The following UBAC1 variants were observed in gnomAD, a reference collection of about 807,000 sequenced individuals.
UBAC1 encodes the protein UBA domain containing 1, also known as ubiquitin-associated domain-containing protein 1.
A neutral mutation model predicts 45.9 loss-of-function variants in UBAC1; 27 were observed. That is an observed-to-expected ratio of 0.59 (90% CI 0.43 to 0.81). The LOEUF (loss-of-function observed/expected upper bound fraction) is 0.81, where lower values mean the gene tolerates loss of function less well. UBAC1 is among the 30% of genes least tolerant of loss of function. The pLI is 0.00. For missense variants in UBAC1, 529 were observed against 539.2 expected (o/e 0.98, Z 0.19); for synonymous variants, 227 against 215.5 (o/e 1.05, Z -0.47).
At position 135,933,345 on chromosome 9, in the gene UBAC1, C is replaced by T; in HGVS notation, c.*55G>A. 6.7e-7 allele frequency: 1 copy of T among 1,500,454 alleles called. No homozygotes were observed. Among genetic ancestry groups the T allele is most frequent in the Non-Finnish European group, 9.3e-7 (1 of 1,077,348 alleles). The allele number at this position is 1,500,454 out of a possible 1,614,324, so 92.9% of individuals were successfully genotyped here. On this transcript the variant is annotated 3_prime_UTR_variant, in exon 10 of 10. Transcript: ENST00000371756. ...CCAGGTGAGGTCCACTCTGCCCGGTCTCGGGCCGCACCAGGGGGCTGCTGT... is the reference window on the plus strand; with the variant it reads ...CCAGGTGAGGTCCACTCTGCCCGGTTTCGGGCCGCACCAGGGGGCTGCTGT...
chr9:135,938,136 T>C, intron 9 of UBAC1, 86 bp downstream of exon 9: 2 of 1,547,576 alleles, frequency 1.3e-6, no homozygotes, highest in African/African-American at 2.7e-5. Flanking sequence ...GGATCCTCCG[T>C]ATCGCCTCCG....
chr9:135,954,070 C>T (rs779482330), intron 2 of UBAC1, among the ~76,000 whole-genome samples: 29 of 147,436 alleles, frequency 2.0e-4, no homozygotes, highest in Non-Finnish European at 4.2e-4. Context: ...ACCTGGGAGG[C>T]GGAGGTTGCA....
At position 135,945,874 on chromosome 9, in the gene UBAC1, T is replaced by C. The variant is rs1448380569; in HGVS notation, c.653+15A>G. ...AGGTGTCTCCGGCAAGGGAAGGAGGTGGCCCCCCACGCACTGGTTCAGCTG... is the reference window on the plus strand; with the variant it reads ...AGGTGTCTCCGGCAAGGGAAGGAGGCGGCCCCCCACGCACTGGTTCAGCTG... On this transcript the variant is annotated intron_variant, in intron 6 of 9. Coordinates refer to ENST00000371756, the MANE Select transcript of UBAC1 (RefSeq NM_016172.3). 3.1e-6 allele frequency: 5 copies of C among 1,610,186 alleles called. No homozygotes were observed. The highest frequency in any genetic ancestry group is 2.7e-5 in the African/African-American group (2 of 74,638).
chr9:135,945,166 G>C lies in UBAC1; in HGVS notation c.738C>G (p.Pro246=). 1 of 1,613,488 alleles carries C rather than the reference G, an allele frequency of 6.2e-7. No individual in the cohort carries two copies. The highest frequency in any genetic ancestry group is 1.1e-5 in the South Asian group (1 of 90,918). Residue 246 remains proline (P), a synonymous_variant, in exon 7 of 10, where the codon CCC becomes CCG. Transcript: ENST00000371756. The part of the protein sequence containing the change: ...TIDTPLPGQA[P]PEAEGATAAA... ...CTGCTGTGGCCCCCTCGGCCTCTGG[G>C]GGAGCTTGGCCAGGAAGAGGCGTGT...
intron 8 of UBAC1, 121 bp downstream of exon 8, chr9:135,939,552 A>G (rs1839243781): frequency 1.1e-6 from 1 of 933,142 alleles, no homozygotes; most frequent in Non-Finnish European, 1.6e-6. Context: ...ACCACAGCCC[A>G]CACTCACCAC....
chr9:135,959,541 A>T (rs1839507644), intron 1 of UBAC1, among the ~76,000 whole-genome samples: 1 of 151,888 alleles, frequency 6.6e-6, no homozygotes, highest in Non-Finnish European at 1.5e-5. Context: ...CGCCCCGCTA[A>T]TTTTTTGTAT....
intron 7 of UBAC1, among the ~76,000 whole-genome samples, chr9:135,943,791 T>C (rs931949986): frequency 1.3e-5 from 2 of 152,106 alleles, no homozygotes; most frequent in African/African-American, 2.4e-5. Context: ...TATGCAGCCA[T>C]AAAAAGGAAC....
In UBAC1 at chr9:135,945,083, A is replaced by C. The variant is rs1438785113; in HGVS notation, c.821T>G (p.Leu274Arg). 1.6e-5 allele frequency: 25 copies of C among 1,609,448 alleles called. No homozygotes were observed. The highest frequency in any genetic ancestry group is 2.7e-5 in the African/African-American group (2 of 74,822). The change falls in exon 7 of 10, where the codon CTG becomes CGG. Residue 274 changes from leucine to arginine, a missense_variant. By Grantham distance (102) the Leu-to-Arg change is moderately radical (BLOSUM62 -2). Coordinates refer to ENST00000371756, the MANE Select transcript of UBAC1 (RefSeq NM_016172.3). The part of the protein sequence containing the change: ...SATDEEARDE[L>R]TEIFKKIRRK... ...CCGGATCTTCTTGAAGATTTCCGTC[A>C]GCTCATCTCTGGCCTCCTCATCGGT...
intron 2 of UBAC1, 114 bp downstream of exon 2, chr9:135,955,181 C>T: frequency 8.8e-7 from 1 of 1,131,624 alleles, no homozygotes; most frequent in East Asian, 2.8e-5. Context: ...CGTTTTTGTG[C>T]TCGTGTCCAG....
chr9:135,952,224 C>T (rs1260336501), intron 3 of UBAC1, among the ~76,000 whole-genome samples: 1 of 152,230 alleles, frequency 6.6e-6, no homozygotes, highest in Non-Finnish European at 1.5e-5. Context: ...TCCTGGGTAC[C>T]CATGGTCCCA....
chr9:135,939,161 G>A lies in UBAC1; in HGVS notation c.963+512C>T, dbSNP rs117238994. ...AGGCTGCAGTGAGTGTGATCACACC[G>A]CTGCACTCCAGCCTGGGGGACAGAG... is the stretch of plus-strand genomic sequence containing the variant. On this transcript the variant is annotated intron_variant, in intron 8 of 9. Transcript: ENST00000371756. Among the ~76,000 whole-genome samples the A allele has an allele frequency of 5.3e-5, 8 of 150,670 alleles. No homozygotes were observed. The East Asian group carries it at 9.7e-4, about 18-fold the overall frequency.
intron 3 of UBAC1, among the ~76,000 whole-genome samples, chr9:135,949,987 G>A (rs75276844): frequency 6.2e-4 from 95 of 152,346 alleles, no homozygotes; most frequent in African/African-American, 2.1e-3. Flanking sequence ...AATGCAGGCC[G>A]CGCCCAGGCC....
chr9:135,949,744 G>A (rs1334644116), intron 3 of UBAC1, among the ~76,000 whole-genome samples: 1 of 152,256 alleles, frequency 6.6e-6, no homozygotes, highest in African/African-American at 2.4e-5. Flanking sequence ...CACGCTCCCC[G>A]GGCCTGGCAG....
intron 8 of UBAC1, among the ~76,000 whole-genome samples, chr9:135,938,813 TG>T (rs71384033): frequency 2.3e-4 from 28 of 120,134 alleles, no homozygotes; most frequent in African/African-American, 5.7e-4. Context: ...CGGGGGATGG[TG>T]GGGGGGGGAT....
intron 1 of UBAC1, 117 bp downstream of exon 1, chr9:135,960,908 G>A: frequency 1.1e-6 from 1 of 910,846 alleles, no homozygotes; most frequent in East Asian, 3.3e-5. Context: ...AGAGGGCCTG[G>A]GAGCTGCGGA....
Position 135,933,243 on chromosome 9 carries a change from A to T in UBAC1, c.*157T>A, listed in dbSNP as rs886795105. The T allele has an allele frequency of 1.3e-5, 8 of 621,162 alleles. No individual in the cohort carries two copies. The African/African-American group carries it at 1.3e-4, about 10-fold the overall frequency. The allele number at this position is 621,162 out of a possible 1,614,324, so 38.5% of individuals were successfully genotyped here. A position where few individuals can be genotyped will look rare whatever the true frequency, so the allele number is the denominator to read the frequency against. ...TTACACACTACCGTCACCAAAGTTT[A>T]TAAGCAATAAGATCAGAGAGCAGGA... On this transcript the variant is annotated 3_prime_UTR_variant, in exon 10 of 10. Coordinates refer to ENST00000371756, the MANE Select transcript of UBAC1 (RefSeq NM_016172.3).
intron 7 of UBAC1, among the ~76,000 whole-genome samples, chr9:135,942,528 C>T (rs930850728): frequency 5.9e-5 from 9 of 151,758 alleles, no homozygotes; most frequent in East Asian, 1.9e-4. Context: ...TGTGGTGGTG[C>T]GTGCCTGTAA....
chr9:135,950,098 G>A (rs1417319284), intron 3 of UBAC1, among the ~76,000 whole-genome samples: 2 of 152,222 alleles, frequency 1.3e-5, no homozygotes, highest in African/African-American at 4.8e-5. Context: ...CCCAGCCTCA[G>A]AAAGGAAGGC....
chr9:135,955,035 G>A (rs1038555621), intron 2 of UBAC1, among the ~76,000 whole-genome samples: 26 of 152,210 alleles, frequency 1.7e-4, no homozygotes, highest in African/African-American at 5.8e-4. Flanking sequence ...CTCTGAAACA[G>A]AACTAAAAGC....
Sources: allele counts gnomAD v4.1 joint callset (sites outside exome capture counted in the v4.1 genomes callset), GRCh38; gene constraint gnomAD v4.1.1; transcripts MANE v1.5; gene names NCBI Gene and HGNC (gene_info 2026-07-23, HGNC 2026-07-21).